PHLDB2: variants seen among roughly 807,000 people sequenced by gnomAD.
The protein encoded by PHLDB2 is pleckstrin homology-like domain family B member 2.
A neutral mutation model predicts 123.6 loss-of-function variants in PHLDB2; 71 were observed. The ratio of observed to expected loss-of-function variants is 0.57; its 90% CI spans 0.47 to 0.70. The LOEUF (loss-of-function observed/expected upper bound fraction) is 0.70. Among genes scored for constraint, PHLDB2 ranks in the 30% least tolerant of loss-of-function variants. PHLDB2 has a pLI of 0.00. For missense variants in PHLDB2, 1,446 were observed against 1,519.5 expected (o/e 0.95, Z 0.80); for synonymous variants, 547 against 541.6 (o/e 1.01, Z -0.14).
intron 2 of PHLDB2, among the ~76,000 whole-genome samples, chr3:111,847,572 CTCACGGCCAAATGCACAGTCTTGGAT>C (rs1431089468): frequency 6.6e-6 from 1 of 152,200 alleles, no homozygotes; most frequent in African/African-American, 2.4e-5. Context: ...CCCATCCCCT[CTCACGGCCAAATGCACAGTCTTGGAT>C]TTGATACTTC....
At chr3:111,870,208 G>T (rs959370722) in intron 1 of PHLDB2, among the ~76,000 whole-genome samples, 5 of 152,198 alleles carry the variant, frequency 3.3e-5, no homozygotes, top group South Asian at 2.1e-4. Flanking sequence ...GATGGCTGCA[G>T]AAGCTGTAGG....
intron 2 of PHLDB2, among the ~76,000 whole-genome samples, chr3:111,898,164 GTGTGTGTGTGTGTGTGTT>G (rs1398763548): frequency 8.6e-4 from 108 of 125,482 alleles, no homozygotes; most frequent in Non-Finnish European, 1.7e-3. Context: ...CAATTTCTTT[GTGTGTGTGTGTGTGTGTT>G]TGTGTGTGTG....
At chr3:111,814,291 GA>G (rs1208092973) in intron 1 of PHLDB2, among the ~76,000 whole-genome samples, 4 of 117,844 alleles carry the variant, frequency 3.4e-5, no homozygotes, top group Non-Finnish European at 5.3e-5. Context: ...ATATAAGCAG[GA>G]AAAAAAAATG....
chr3:111,808,061 C>T (rs931884258), intron 1 of PHLDB2, among the ~76,000 whole-genome samples: 1 of 151,616 alleles, frequency 6.6e-6, no homozygotes, highest in Non-Finnish European at 1.5e-5. Context: ...GGACCCAGCC[C>T]AGAAATTCTG....
chr3:111,926,602 T>C (rs891115507), intron 5 of PHLDB2, among the ~76,000 whole-genome samples: 49 of 141,698 alleles, frequency 3.5e-4, no homozygotes, highest in Middle Eastern at 3.5e-3. Flanking sequence ...TTTTTTTTTT[T>C]CTATGCTAAA....
chr3:111,769,326 G>A (rs1421339302), intron 1 of PHLDB2, among the ~76,000 whole-genome samples: 2 of 152,160 alleles, frequency 1.3e-5, no homozygotes, highest in African/African-American at 4.8e-5. Context: ...TGTTCTGGGA[G>A]GCAGCCCAAA....
At chr3:111,950,377 C>T (rs1185839854) in intron 10 of PHLDB2, among the ~76,000 whole-genome samples, 1 of 152,116 alleles carries the variant, frequency 6.6e-6, no homozygotes, top group African/African-American at 2.4e-5. Flanking sequence ...ATTTGTGTAT[C>T]TCTTTACATC....
At chr3:111,831,026 A>AAAGAAAGAAAGAAAGAAAGG (rs2062994514) in intron 1 of PHLDB2, among the ~76,000 whole-genome samples, 15 of 78,678 alleles carry the variant, frequency 1.9e-4, no homozygotes, top group African/African-American at 4.1e-4. Flanking sequence ...AGAAAGAAAG[A>AAAGAAAGAAAGAAAGAAAGG]AAGAAAGGAA....
intron 1 of PHLDB2, among the ~76,000 whole-genome samples, chr3:111,745,734 C>G (rs2059669575): frequency 6.6e-6 from 1 of 151,562 alleles, no homozygotes. Flanking sequence ...TGCCCTCCGG[C>G]CTGGGCAACA....
chr3:111,961,558 A>G (rs973289549), intron 12 of PHLDB2, among the ~76,000 whole-genome samples: 5 of 152,082 alleles, frequency 3.3e-5, no homozygotes, highest in Non-Finnish European at 5.9e-5. Context: ...GAGAGAGAGA[A>G]AATGGGAAAA....
intron 1 of PHLDB2, among the ~76,000 whole-genome samples, chr3:111,744,338 G>C (rs973035327): frequency 6.6e-6 from 1 of 152,184 alleles, no homozygotes; most frequent in Non-Finnish European, 1.5e-5. Flanking sequence ...ATTGCTGCTG[G>C]TGGAAGTGTC....
intron 8 of PHLDB2, among the ~76,000 whole-genome samples, chr3:111,943,605 C>G (rs896953762): frequency 1.3e-5 from 2 of 151,844 alleles, no homozygotes; most frequent in African/African-American, 4.8e-5. Context: ...AAGATTTTAC[C>G]AAAGAACGTA....
At chr3:111,968,357 G>A (rs565260505) in intron 15 of PHLDB2, among the ~76,000 whole-genome samples, 11 of 152,238 alleles carry the variant, frequency 7.2e-5, no homozygotes, top group African/African-American at 1.4e-4. Context: ...TGTTCCCTTT[G>A]CTACAGTAGT....
At position 111,962,145 on chromosome 3, in the gene PHLDB2, G is replaced by A. The variant is rs1434685541; in HGVS notation, c.2910G>A (p.Gln970=). The A allele has an allele frequency of 1.9e-6, 3 of 1,582,866 alleles. No individual in the cohort carries two copies. Among genetic ancestry groups the A allele is most frequent in the African/African-American group, 1.4e-5 (1 of 72,434 alleles). The change falls in exon 13 of 18, where the codon CAG becomes CAA. Residue 970 remains glutamine, a synonymous_variant. Coordinates refer to ENST00000431670, the MANE Select transcript of PHLDB2 (RefSeq NM_001134438.2). ...AACAGATGAGTGAAGGACACAGGCAGAAATCTGAATTTTATAACCGCACAG... is the reference window on the plus strand; with the variant it reads ...AACAGATGAGTGAAGGACACAGGCAAAAATCTGAATTTTATAACCGCACAG... ...NHQQMSEGHR[Q]KSEFYNRTAS...
intron 1 of PHLDB2, among the ~76,000 whole-genome samples, chr3:111,771,803 C>G (rs2108050544): frequency 6.6e-6 from 1 of 152,328 alleles, no homozygotes; most frequent in East Asian, 1.9e-4. Flanking sequence ...ATCACATTCA[C>G]AGGTACTGGA....
intron 1 of PHLDB2, among the ~76,000 whole-genome samples, chr3:111,757,143 C>A (rs148049563): frequency 6.6e-6 from 1 of 152,084 alleles, no homozygotes; most frequent in African/African-American, 2.4e-5. Context: ...TTGCTCTTCT[C>A]GAGGAGTATC....
intron 1 of PHLDB2, chr3:111,859,792 G>C (rs2064715488): frequency 2.0e-6 from 2 of 985,454 alleles, no homozygotes; most frequent in South Asian, 4.7e-5. Flanking sequence ...CGGGCTCACG[G>C]AGGGAGACAG....
chr3:111,800,660 C>T (rs1276791269), intron 1 of PHLDB2, among the ~76,000 whole-genome samples: 2 of 152,142 alleles, frequency 1.3e-5, no homozygotes, highest in African/African-American at 4.8e-5. Flanking sequence ...TACTATTGGA[C>T]TCTTTAATCC....
At chr3:111,783,707 G>A (rs547856074) in intron 1 of PHLDB2, among the ~76,000 whole-genome samples, 3 of 152,104 alleles carry the variant, frequency 2.0e-5, no homozygotes, top group Non-Finnish European at 4.4e-5. Flanking sequence ...TCAGCTTGCT[G>A]TTGATCACTA....
Sources: gnomAD v4.1 joint callset for allele counts (sites outside exome capture counted in the v4.1 genomes callset) on GRCh38, gnomAD v4.1.1 for gene constraint, MANE v1.5 for transcripts, NCBI Gene and HGNC (gene_info 2026-07-23, HGNC 2026-07-21) for gene names.